The following UBE4A variants were observed in gnomAD, a reference collection of about 807,000 sequenced individuals.
The protein encoded by UBE4A is ubiquitin conjugation factor E4 A.
UBE4A carries 48 observed loss-of-function variants against 117.9 expected under a neutral mutation model. The ratio of observed to expected loss-of-function variants is 0.41; its 90% CI spans 0.32 to 0.52. UBE4A has a LOEUF of 0.52. Among genes scored for constraint, UBE4A ranks in the 20% least tolerant of loss-of-function variants. UBE4A has a pLI of 0.33. For missense variants in UBE4A, 1,067 were observed against 1,296.3 expected (o/e 0.82, Z 2.72); for synonymous variants, 407 against 450.0 (o/e 0.90, Z 1.21).
Position 118,373,081 on chromosome 11 carries a change from G to A in UBE4A, c.722-5G>A. 1 of 1,613,530 alleles carries A rather than the reference G, an allele frequency of 6.2e-7. No homozygotes were observed. Among genetic ancestry groups the A allele is most frequent in the Non-Finnish European group, 8.5e-7 (1 of 1,179,836 alleles). On this transcript the variant is annotated splice_region_variant and splice_polypyrimidine_tract_variant and intron_variant, in intron 6 of 19. Transcript: ENST00000252108. ...CTCCTTTCTCTCTCATTTGTCTTCT[G>A]TTAGATTTTGAAGATGTAACTGAGT... is the stretch of plus-strand genomic sequence containing the variant.
chr11:118,393,851 C>T (rs1948843083), intron 19 of UBE4A, among the ~76,000 whole-genome samples: 2 of 152,224 alleles, frequency 1.3e-5, no homozygotes, highest in Non-Finnish European at 2.9e-5. Flanking sequence ...CCACCTCAGC[C>T]TCCCAAAGTG....
At chr11:118,374,350 C>T (rs1210248083) in intron 8 of UBE4A, among the ~76,000 whole-genome samples, 1 of 152,150 alleles carries the variant, frequency 6.6e-6, no homozygotes, top group African/African-American at 2.4e-5. Context: ...CTTTGGGCTT[C>T]TTCACATAAA....
intron 19 of UBE4A, among the ~76,000 whole-genome samples, chr11:118,393,615 C>T (rs1469194952): frequency 3.3e-5 from 5 of 151,006 alleles, no homozygotes; most frequent in Middle Eastern, 3.4e-3. Context: ...TTTATTTTTG[C>T]GACAGAGTCT....
intron 19 of UBE4A, 127 bp downstream of exon 19, chr11:118,393,022 T>A: frequency 1.0e-6 from 1 of 971,784 alleles, no homozygotes; most frequent in African/African-American, 1.7e-5. Context: ...TACTGATATG[T>A]TGGAAGACAT....
At chr11:118,364,905 C>T in intron 1 of UBE4A, 135 bp from the exon 2 acceptor site, 1 of 881,208 alleles carries the variant, frequency 1.1e-6, no homozygotes, top group Non-Finnish European at 1.5e-6. Flanking sequence ...AGTTTGGGGA[C>T]AGGAATTGGA....
In UBE4A at chr11:118,382,810, G is replaced by A. The variant is rs782411571; in HGVS notation, c.2197+34G>A. The stretch of plus-strand genomic sequence containing the variant: ...GTCATGAAGCTGAGCCCAGAACTGG[G>A]AAGCTGATACCAGTGGAGTTTCATA... On this transcript the variant is annotated intron_variant, in intron 13 of 19. Transcript: ENST00000252108. The A allele has an allele frequency of 6.0e-6, 9 of 1,503,596 alleles. No individual in the cohort carries two copies. The African/African-American group carries it at 1.1e-4, about 19-fold the overall frequency. The allele number at this position is 1,503,596 out of a possible 1,614,324, so 93.1% of individuals were successfully genotyped here. A position where few individuals can be genotyped will look rare whatever the true frequency, so the allele number is the denominator to read the frequency against.
chr11:118,375,485 G>A (rs975858517), intron 9 of UBE4A, among the ~76,000 whole-genome samples: 18 of 151,846 alleles, frequency 1.2e-4, no homozygotes, highest in Admixed American at 1.1e-3. Flanking sequence ...TCAGCCTCCC[G>A]AGTAGCTGGG....
At position 118,384,946 on chromosome 11, in the gene UBE4A, GTA is replaced by G; in HGVS notation, c.2412+2_2412+3del. 2.7e-6 allele frequency: 3 copies of G among 1,099,780 alleles called. No homozygotes were observed. The highest frequency in any genetic ancestry group is 2.6e-5 in the East Asian group (1 of 37,960). The allele number at this position is 1,099,780 out of a possible 1,614,324, so 68.1% of individuals were successfully genotyped here. A position where few individuals can be genotyped will look rare whatever the true frequency, so the allele number is the denominator to read the frequency against. On this transcript the variant is annotated splice_donor_variant and splice_donor_region_variant and intron_variant, in intron 15 of 19. Transcript: ENST00000252108. LOFTEE classifies it high-confidence loss of function. Reference sequence around the variant, plus strand: ...CTTCCTTTTGGATGAAGCCATACAGGTAAAAAAAAAAAAAAAAAAAAAGATTT... The same window carrying G: ...CTTCCTTTTGGATGAAGCCATACAGGAAAAAAAAAAAAAAAAAAAAGATTT...
chr11:118,386,315 T>A, intron 15 of UBE4A, 123 bp from the exon 16 acceptor site: 1 of 1,074,160 alleles, frequency 9.3e-7, no homozygotes, highest in Non-Finnish European at 1.3e-6. Flanking sequence ...AAGGCTCATG[T>A]CTTTTACATG....
In UBE4A at chr11:118,383,458, T is replaced by C. The variant is rs149741329; in HGVS notation, c.2197+682T>C. On this transcript the variant is annotated intron_variant, in intron 13 of 19. Transcript: ENST00000252108. ...AAATACAAAAATTACCCAGGCATGG[T>C]GGCAGGTGCCTGTAATCCCAGCTAC... is the stretch of plus-strand genomic sequence containing the variant. Among the ~76,000 whole-genome samples, 171 of 152,054 alleles carry C rather than the reference T, an allele frequency of 1.1e-3. 1 individual carries two copies. The highest frequency in any genetic ancestry group is 4.0e-3 in the African/African-American group (165 of 41,480).
intron 1 of UBE4A, 28 bp from the exon 2 acceptor site, chr11:118,365,012 T>C: frequency 6.5e-7 from 1 of 1,536,078 alleles, no homozygotes; most frequent in Non-Finnish European, 8.8e-7. Context: ...ATCTGCCCTC[T>C]TGTGTCTAAT....
At chr11:118,384,763 G>T (rs1948739542) in intron 14 of UBE4A, 28 bp downstream of exon 14, 1 of 1,611,820 alleles carries the variant, frequency 6.2e-7, no homozygotes. Context: ...GAAACCTGTT[G>T]CTTTATATAA....
intron 16 of UBE4A, among the ~76,000 whole-genome samples, chr11:118,387,837 G>C (rs1948773430): frequency 6.6e-6 from 1 of 152,184 alleles, no homozygotes; most frequent in Non-Finnish European, 1.5e-5. Flanking sequence ...TTCAACACAA[G>C]GGAGACGCAA....
At chr11:118,371,944 C>G (rs531141979) in intron 5 of UBE4A, among the ~76,000 whole-genome samples, 1 of 152,292 alleles carries the variant, frequency 6.6e-6, no homozygotes, top group South Asian at 2.1e-4. Flanking sequence ...TCTAAAACCT[C>G]TTTAGAAATC....
At chr11:118,380,116 AGTGTGTGTGTGTGTGTGCGTGTGTGT>A (rs1479870245) in intron 11 of UBE4A, among the ~76,000 whole-genome samples, 3 of 142,590 alleles carry the variant, frequency 2.1e-5, no homozygotes, top group Non-Finnish European at 4.6e-5. Context: ...GAAGGGAAAG[AGTGTGTGTGTGTGTGTGCGTGTGTGT>A]GTGTGTGTGT....
intron 18 of UBE4A, among the ~76,000 whole-genome samples, chr11:118,391,451 C>T (rs1242458252): frequency 1.3e-4 from 20 of 150,690 alleles, no homozygotes; most frequent in African/African-American, 4.9e-4. Flanking sequence ...CCACTGCACT[C>T]CAGCCTGGGC....
At position 118,396,491 on chromosome 11, in the gene UBE4A, T is replaced by C; in HGVS notation, c.*51T>C. ...CCAACCCCAGAGTGCAGATAAACAA[T>C]TGTTTGTGGTTTCTCTCTTTCTGGT... On this transcript the variant is annotated 3_prime_UTR_variant, in exon 20 of 20. Coordinates refer to ENST00000252108, the MANE Select transcript of UBE4A (RefSeq NM_001204077.2). The C allele has an allele frequency of 1.9e-6, 3 of 1,571,304 alleles. No individual in the cohort carries two copies. Among genetic ancestry groups the C allele is most frequent in the Non-Finnish European group, 2.6e-6 (3 of 1,164,096 alleles).
rs537051373 is a variant in UBE4A at position 118,368,717 on chromosome 11, C to T, written c.208C>T (p.Arg70Cys). The part of the protein sequence containing the change: ...EFDYSVAEIS[R>C]SFRSQQEICE... ...CGATTACTCTGTGGCTGAGATTAGC[C>T]GCTCATTCCGATCACAGCAGGAAAT... Residue 70 changes from arginine to cysteine, a missense_variant, in exon 3 of 20, where the codon CGC (arginine) becomes TGC (cysteine). Coordinates refer to ENST00000252108, the MANE Select transcript of UBE4A (RefSeq NM_001204077.2). The T allele has an allele frequency of 8.1e-6, 13 of 1,614,100 alleles. No homozygotes were observed. The East Asian group carries it at 1.1e-4, about 14-fold the overall frequency.
intron 18 of UBE4A, among the ~76,000 whole-genome samples, chr11:118,392,300 T>C (rs1474417417): frequency 6.6e-6 from 1 of 152,234 alleles, no homozygotes; most frequent in Admixed American, 6.5e-5. Flanking sequence ...AAAATTCCTA[T>C]ACCTGTTTGT....
Sources: gnomAD v4.1 joint callset for allele counts (sites outside exome capture counted in the v4.1 genomes callset) on GRCh38, gnomAD v4.1.1 for gene constraint, MANE v1.5 for transcripts, NCBI Gene and HGNC (gene_info 2026-07-23, HGNC 2026-07-21) for gene names.